SYT9: variants seen among roughly 807,000 people sequenced by gnomAD.
SYT9 encodes the protein synaptotagmin-9.
In SYT9, 22 loss-of-function variants were observed where a neutral mutation model predicts 48.4. The observed-to-expected ratio is 0.45, with a 90% CI of 0.32 to 0.65. The LOEUF (loss-of-function observed/expected upper bound fraction) is 0.65, where lower values mean the gene tolerates loss of function less well. Among genes scored for constraint, SYT9 ranks in the 30% least tolerant of loss-of-function variants. SYT9 has a pLI of 0.03. For synonymous variants in SYT9, 265 were observed against 245.0 expected (o/e 1.08, Z -0.76); for missense variants, 577 against 622.0 (o/e 0.93, Z 0.77).
intron 1 of SYT9, among the ~76,000 whole-genome samples, chr11:7,254,207 C>T (rs1847923928): frequency 6.6e-6 from 1 of 152,144 alleles, no homozygotes; most frequent in Non-Finnish European, 1.5e-5. Flanking sequence ...GCTCTGAGTT[C>T]CTGATAGCAG....
At chr11:7,298,261 T>A (rs1848849421) in intron 1 of SYT9, among the ~76,000 whole-genome samples, 1 of 152,206 alleles carries the variant, frequency 6.6e-6, no homozygotes. Context: ...GACTTTGCTT[T>A]CTATTTAATT....
At chr11:7,434,492 G>A (rs1042829532) in intron 6 of SYT9, among the ~76,000 whole-genome samples, 4 of 152,136 alleles carry the variant, frequency 2.6e-5, no homozygotes, top group South Asian at 2.1e-4. Context: ...TTGGAGGATC[G>A]TAGCCTGGCA....
chr11:7,334,446 ATTAT>A (rs760643346), intron 3 of SYT9, among the ~76,000 whole-genome samples: 1 of 152,210 alleles, frequency 6.6e-6, no homozygotes, highest in Non-Finnish European at 1.5e-5. Flanking sequence ...GATTCCAGAA[ATTAT>A]TTAAGCAGTT....
chr11:7,302,842 A>G (rs533124920), intron 1 of SYT9, among the ~76,000 whole-genome samples, 197 bp from the exon 2 acceptor site: 7 of 152,238 alleles, frequency 4.6e-5, no homozygotes, highest in Middle Eastern at 3.4e-3. Context: ...GTTTCTGCTC[A>G]CTGGTCCTCT....
intron 3 of SYT9, among the ~76,000 whole-genome samples, chr11:7,370,854 T>C (rs1850349014): frequency 6.6e-6 from 1 of 152,212 alleles, no homozygotes; most frequent in Admixed American, 6.5e-5. Flanking sequence ...GTTGGGAATG[T>C]ATTGTTAAAA....
At position 7,252,753 on chromosome 11, in the gene SYT9, C is replaced by A. The variant is rs1201136796; in HGVS notation, c.145+422C>A. Among the ~76,000 whole-genome samples, 2 of 152,238 alleles carry A rather than the reference C, an allele frequency of 1.3e-5. No individual in the cohort carries two copies. The highest frequency in any genetic ancestry group is 2.9e-5 in the Non-Finnish European group (2 of 68,046). ...CTGGGAAGTTGGGAGTTGGGGACGG[C>A]CCCGGGTTGGGGCCGAATCCCACCG... On this transcript the variant is annotated intron_variant, in intron 1 of 6. Transcript: ENST00000318881. This position sits in a 1 kb window ranked among gnomAD's most constrained non-coding sequence, Gnocchi z 6.3.
upstream of SYT9, among the ~76,000 whole-genome samples, chr11:7,247,630 T>TATATATACATATATAC (rs1564834895): frequency 1.4e-4 from 21 of 145,614 alleles, no homozygotes; most frequent in African/African-American, 2.5e-4. Flanking sequence ...TATATATACG[T>TATATATACATATATAC]GTATATATAC....
chr11:7,398,222 T>A (rs541084070), intron 3 of SYT9, among the ~76,000 whole-genome samples: 1 of 152,200 alleles, frequency 6.6e-6, no homozygotes, highest in Non-Finnish European at 1.5e-5. Context: ...ATGTTTTTTT[T>A]AGTCTATGAT....
intron 3 of SYT9, among the ~76,000 whole-genome samples, chr11:7,315,549 T>C (rs1849227959): frequency 6.6e-6 from 1 of 152,214 alleles, no homozygotes; most frequent in South Asian, 2.1e-4. Flanking sequence ...TTTTGACAAA[T>C]GGATTCCATA....
chr11:7,375,614 C>A lies in SYT9; in HGVS notation c.1045-40428C>A, dbSNP rs534300587. Among the ~76,000 whole-genome samples, 10 of 152,172 alleles carry A rather than the reference C, an allele frequency of 6.6e-5. No homozygotes were observed. The South Asian group carries it at 1.9e-3, about 28-fold the overall frequency. ...CCTTGAGCAGTGGTTTGTAGTTCTCCCTGAAGAGGTCCTTCACATCCCTTG... is the reference window on the plus strand; with the variant it reads ...CCTTGAGCAGTGGTTTGTAGTTCTCACTGAAGAGGTCCTTCACATCCCTTG... On this transcript the variant is annotated intron_variant, in intron 3 of 6. Transcript: ENST00000318881.
chr11:7,405,357 A>G (rs1011624309), intron 3 of SYT9, among the ~76,000 whole-genome samples: 2 of 152,116 alleles, frequency 1.3e-5, no homozygotes, highest in Non-Finnish European at 2.9e-5. Flanking sequence ...ATAGTGTCAA[A>G]TGTCTCGTTG....
chr11:7,362,115 T>C (rs1450512165), intron 3 of SYT9, among the ~76,000 whole-genome samples: 1 of 151,292 alleles, frequency 6.6e-6, no homozygotes, highest in Non-Finnish European at 1.5e-5. Flanking sequence ...TTCTTTTTCT[T>C]TCTTTCTTTC....
intron 3 of SYT9, among the ~76,000 whole-genome samples, chr11:7,367,453 G>T (rs1292586665): frequency 5.3e-5 from 8 of 151,940 alleles, no homozygotes; most frequent in Admixed American, 5.2e-4. Context: ...ATTTAGTGTA[G>T]ACCTCCAAGG....
chr11:7,384,617 A>T (rs917289880), intron 3 of SYT9, among the ~76,000 whole-genome samples: 1 of 152,346 alleles, frequency 6.6e-6, no homozygotes, highest in East Asian at 1.9e-4. Context: ...GTAACCTTCT[A>T]ACTGATGGCC....
intron 3 of SYT9, among the ~76,000 whole-genome samples, chr11:7,323,668 CCTTTT>C (rs1849377332): frequency 6.6e-6 from 1 of 151,618 alleles, no homozygotes. Context: ...GTGTTTTGTT[CCTTTT>C]ATCTTTTAAA....
chr11:7,468,412 C>A lies in SYT9; in HGVS notation c.*1612C>A. 1 of 398,038 alleles carries A rather than the reference C, an allele frequency of 2.5e-6. No homozygotes were observed. Among genetic ancestry groups the A allele is most frequent in the South Asian group, 1.3e-4 (1 of 7,724 alleles). 24.7% of individuals were successfully genotyped at this position (398,038 alleles called of 1,614,324 possible). A position where few individuals can be genotyped will look rare whatever the true frequency, so the allele number is the denominator to read the frequency against. The stretch of plus-strand genomic sequence containing the variant: ...TTCACTTCTCTGATTGGCTTCCAAC[C>A]ACTGGGATTCAAAGAGAATCCAAGG... On this transcript the variant is annotated 3_prime_UTR_variant, in exon 7 of 7. Coordinates refer to ENST00000318881, the MANE Select transcript of SYT9 (RefSeq NM_175733.4).
intron 3 of SYT9, among the ~76,000 whole-genome samples, chr11:7,405,609 C>A (rs770336435): frequency 6.6e-6 from 1 of 152,082 alleles, no homozygotes; most frequent in Non-Finnish European, 1.5e-5. Flanking sequence ...TGCTCAAATA[C>A]CACAACCACA....
At chr11:7,373,350 G>C (rs999256461) in intron 3 of SYT9, among the ~76,000 whole-genome samples, 1 of 152,044 alleles carries the variant, frequency 6.6e-6, no homozygotes, top group Non-Finnish European at 1.5e-5. Flanking sequence ...AGCTACACGT[G>C]TTATTTTATC....
intron 1 of SYT9, among the ~76,000 whole-genome samples, chr11:7,265,539 C>T (rs533956220): frequency 1.3e-3 from 192 of 152,232 alleles, no homozygotes; most frequent in Middle Eastern, 3.4e-3. Flanking sequence ...TTACGGCCTT[C>T]GTGGTTTACA....
Sources: allele counts gnomAD v4.1 joint callset (sites outside exome capture counted in the v4.1 genomes callset), GRCh38; gene constraint gnomAD v4.1.1; non-coding constraint Gnocchi (gnomAD v3.1); transcripts MANE v1.5; gene names NCBI Gene and HGNC (gene_info 2026-07-23, HGNC 2026-07-21).